The following ACADVL variants were observed in gnomAD, a reference collection of about 807,000 sequenced individuals.
ACADVL encodes the protein acyl-CoA dehydrogenase very long chain, also known as very long-chain acyl-CoA dehydrogenase, mitochondrial.
A neutral mutation model predicts 80.4 loss-of-function variants in ACADVL; 73 were observed. The ratio of observed to expected loss-of-function variants is 0.91; its 90% confidence interval spans 0.75 to 1.10. ACADVL has a LOEUF of 1.10. ACADVL is among the 50% of genes least tolerant of loss of function. The pLI is 0.00. For synonymous variants in ACADVL, 392 were observed against 326.5 expected, an observed-to-expected ratio of 1.20 and a Z score of -2.16; for missense variants, 878 against 858.9, an observed-to-expected ratio of 1.02 and a Z score of -0.28.
chr17:7,219,163 A>C, upstream of ACADVL: 2 of 418,256 alleles, frequency 4.8e-6, no homozygotes, highest in Non-Finnish European at 8.5e-6. Context: ...TCTCACCCCA[A>C]TGAGAATTGC....
chr17:7,217,925 G>C (rs2071010441), upstream of ACADVL: 4 of 1,091,044 alleles, frequency 3.7e-6, no homozygotes. Flanking sequence ...AGGGGGTCGG[G>C]TGTGAGGGAG....
rs375730795 is a variant in ACADVL at position 7,224,986 on chromosome 17, C to T, written c.1857C>T (p.Ala619=). The part of the protein sequence containing the change: ...EAAARIREGM[A]ALQSDPWQQE... ...CAGCTCGGATCCGAGAGGGCATGGCCGCCCTGCAGTCTGACCCCTGGCAGC... is the reference window on the plus strand; with the variant it reads ...CAGCTCGGATCCGAGAGGGCATGGCTGCCCTGCAGTCTGACCCCTGGCAGC... The change falls in exon 20 of 20, where the codon GCC becomes GCT. Residue 619 remains alanine, a synonymous_variant. Transcript: ENST00000356839. 1.5e-5 allele frequency: 24 copies of T among 1,613,972 alleles called. No homozygotes were observed. The highest frequency in any genetic ancestry group is 1.3e-4 in the South Asian group (12 of 91,090).
At chr17:7,222,584 T>G in intron 9 of ACADVL, 83 bp from the exon 10 acceptor site, 3 of 1,392,806 alleles carry the variant, frequency 2.2e-6, no homozygotes, top group Non-Finnish European at 2.0e-6. Flanking sequence ...TCCTCCCTGG[T>G]GCATAAGGAG....
At chr17:7,222,112 T>C (rs2142977349) in intron 8 of ACADVL, 31 bp downstream of exon 8, 1 of 1,614,120 alleles carries the variant, frequency 6.2e-7, no homozygotes, top group Non-Finnish European at 8.5e-7. Flanking sequence ...CCCCTTCTCC[T>C]CCGCCCAATT....
Position 7,222,674 on chromosome 17 carries a change from CCT to C in ACADVL, c.887_888del (p.Pro296ArgfsTer17), listed in dbSNP as rs753108198. ...RGFGGITHGP[P>X]EKKMGIKASN... ...CACACTGCCCTGACACAGTGGGCCC[CCT>C]GAGAAGAAGATGGGCATCAAGGCTT... is the stretch of plus-strand genomic sequence containing the variant. On this transcript the variant is annotated frameshift_variant, in exon 10 of 20. Transcript: ENST00000356839. LOFTEE classifies it high-confidence loss of function. The C allele has an allele frequency of 2.3e-5, 37 of 1,613,656 alleles. No individual in the cohort carries two copies. The highest frequency in any genetic ancestry group is 3.3e-5 in the Admixed American group (2 of 59,974).
intron 10 of ACADVL, 103 bp from the exon 11 acceptor site, chr17:7,223,030 G>A: frequency 6.9e-7 from 1 of 1,457,400 alleles, no homozygotes; most frequent in South Asian, 1.1e-5. Flanking sequence ...ACTGAACTCT[G>A]GTTGTATGCA....
chr17:7,223,005 C>T (rs1273874287), intron 10 of ACADVL, 128 bp from the exon 11 acceptor site: 6 of 1,436,088 alleles, frequency 4.2e-6, no homozygotes, highest in Non-Finnish European at 5.8e-6. Context: ...TAGCTTAGGT[C>T]TCCATCCAGC....
chr17:7,224,760 C>G lies in ACADVL; in HGVS notation c.1751+46C>G, dbSNP rs375203448. 6.3e-5 allele frequency: 101 copies of G among 1,613,232 alleles called. No individual in the cohort carries two copies. Among genetic ancestry groups the G allele is most frequent in the Admixed American group, 1.0e-4 (6 of 59,976 alleles). ...TGCCTGAGCCGCAGGGGGCCTGGGC[C>G]TGGATCCCAGCCGGCCCAGATTTAT... On this transcript the variant is annotated intron_variant, in intron 18 of 19. Transcript: ENST00000356839.
rs749598830 is a variant in ACADVL, at chr17:7,222,682, G to C, written c.894G>C (p.Lys298Asn). ...FGGITHGPPE[K>N]KMGIKASNTA... ...CCTGACACAGTGGGCCCCCTGAGAA[G>C]AAGATGGGCATCAAGGCTTCAAACA... The change falls in exon 10 of 20, where the codon AAG becomes AAC. Residue 298 changes from lysine (K) to asparagine (N), a missense_variant. Coordinates refer to ENST00000356839, the MANE Select transcript of ACADVL (RefSeq NM_000018.4). 1.2e-6 allele frequency: 2 copies of C among 1,613,932 alleles called. No individual in the cohort carries two copies. The highest frequency in any genetic ancestry group is 1.7e-6 in the Non-Finnish European group (2 of 1,179,940).
rs1286218424 is a variant in ACADVL at position 7,224,891 on chromosome 17, C to T, written c.1827+7C>T. 1.2e-6 allele frequency: 2 copies of T among 1,614,046 alleles called. No individual in the cohort carries two copies. Among genetic ancestry groups the T allele is most frequent in the East Asian group, 2.2e-5 (1 of 44,876 alleles). On this transcript the variant is annotated splice_region_variant and intron_variant, in intron 19 of 19. Transcript: ENST00000356839. ...TGACACCTGGTGTATCGAGGTGAGA[C>T]TCGGGGCTGCCAAGCTCAGGTGAGG...
upstream of ACADVL, chr17:7,217,188 C>G: frequency 7.9e-7 from 1 of 1,271,668 alleles, no homozygotes; most frequent in Non-Finnish European, 1.0e-6. Flanking sequence ...GGGGCTCTGA[C>G]TTCATCGGAG....
In ACADVL at chr17:7,223,214, G is replaced by C. The variant is rs1422904205; in HGVS notation, c.1159G>C (p.Val387Leu). 48 of 1,613,950 alleles carry C rather than the reference G, an allele frequency of 3.0e-5. No homozygotes were observed. Among genetic ancestry groups the C allele is most frequent in the Non-Finnish European group, 4.0e-5 (47 of 1,179,868 alleles). Residue 387 changes from valine (V) to leucine (L), a missense_variant, in exon 11 of 20, where the codon GTT becomes CTT. Physicochemically the swap from Val to Leu is conservative, Grantham distance 32 (BLOSUM62 1). Coordinates refer to ENST00000356839, the MANE Select transcript of ACADVL (RefSeq NM_000018.4). ...GATCCAGGAGAAGCTGGCACGGATG[G>C]TTATGCTGCAGTATGTAACTGAGGT... ...GLIQEKLARMVMLQYVTESMA... is the reference protein window; with the variant it reads ...GLIQEKLARMLMLQYVTESMA...
At chr17:7,218,453 A>T (rs2071035925), upstream of ACADVL, 5 of 1,440,346 alleles carry the variant, frequency 3.5e-6, no homozygotes, top group Non-Finnish European at 4.8e-6. Flanking sequence ...TCCAGCTTGG[A>T]CCAAATGATC....
At chr17:7,223,262 C>T (rs1341521139) in intron 11 of ACADVL, 25 bp downstream of exon 11, 3 of 1,587,570 alleles carry the variant, frequency 1.9e-6, no homozygotes, top group East Asian at 2.2e-5. Flanking sequence ...AGCCCCTCTC[C>T]CTGGAGCCCT....
Position 7,221,556 on chromosome 17 carries a change from ATC to A in ACADVL, c.497_498del (p.Ile166SerfsTer5), listed in dbSNP as rs1057516369. The A allele has an allele frequency of 1.9e-6, 3 of 1,613,904 alleles. No individual in the cohort carries two copies. Among genetic ancestry groups the A allele is most frequent in the Non-Finnish European group, 2.5e-6 (3 of 1,180,010 alleles). On this transcript the variant is annotated frameshift_variant, in exon 7 of 20. Coordinates refer to ENST00000356839, the MANE Select transcript of ACADVL (RefSeq NM_000018.4). LOFTEE classifies it high-confidence loss of function. ...CNTQYARLVEIVGMHDLGVGI... is the reference protein window; with the variant it reads ...CNTQYARLVEXVGMHDLGVGI... ...CCTCCAGTACGCCCGTTTGGTGGAG[ATC>A]GTGGGCATGCATGACCTTGGCGTGG...
rs528002997 is a variant in ACADVL, at chr17:7,224,732, G to A, written c.1751+18G>A. ...CTCTCGAGGTGAGGAGGCAGGCAGG[G>A]AATGCCTGAGCCGCAGGGGGCCTGG... is the stretch of plus-strand genomic sequence containing the variant. On this transcript the variant is annotated intron_variant, in intron 18 of 19. Coordinates refer to ENST00000356839, the MANE Select transcript of ACADVL (RefSeq NM_000018.4). 3.0e-4 allele frequency: 486 copies of A among 1,609,498 alleles called. No individual in the cohort carries two copies. Among genetic ancestry groups the A allele is most frequent in the Middle Eastern group, 2.3e-3 (14 of 5,988 alleles).
At chr17:7,221,810 C>T (rs2142975677) in intron 7 of ACADVL, 128 bp downstream of exon 7, 1 of 1,586,140 alleles carries the variant, frequency 6.3e-7, no homozygotes, top group South Asian at 1.1e-5. Context: ...GGAGGCATCA[C>T]AGTGTGCTGG....
In ACADVL at chr17:7,221,607, A is replaced by C; in HGVS notation, c.547A>C (p.Ser183Arg). ...GGGCATTACCCTGGGGGCCCATCAG[A>C]GCATCGGTTTCAAAGGCATCCTGCT... ...GVGITLGAHQ[S>R]IGFKGILLFG... is the part of the protein sequence containing the mutation. Residue 183 changes from serine (S) to arginine (R), a missense_variant, in exon 7 of 20, where the codon AGC becomes CGC. Coordinates refer to ENST00000356839, the MANE Select transcript of ACADVL (RefSeq NM_000018.4). 1 of 1,614,052 alleles carries C rather than the reference A, an allele frequency of 6.2e-7. No individual in the cohort carries two copies. Among genetic ancestry groups the C allele is most frequent in the Non-Finnish European group, 8.5e-7 (1 of 1,180,018 alleles).
rs748964823 is a variant in ACADVL at position 7,224,046 on chromosome 17, T to C, written c.1411T>C (p.Phe471Leu). The change falls in exon 14 of 20, where the codon TTT (phenylalanine) becomes CTT (leucine). Residue 471 changes from phenylalanine (F) to leucine (L), a missense_variant. Transcript: ENST00000356839. ...FEGTNDILRL[F>L]VALQGCMDKG... ...GGGGACAAATGACATTCTTCGGCTG[T>C]TTGTGGCTCTGCAGGGCTGTATGGT... 1.9e-6 allele frequency: 3 copies of C among 1,614,070 alleles called. No homozygotes were observed. The highest frequency in any genetic ancestry group is 2.2e-5 in the South Asian group (2 of 91,074).
Sources: gnomAD v4.1 joint callset for allele counts on GRCh38, gnomAD v4.1.1 for gene constraint, MANE v1.5 for transcripts, NCBI Gene and HGNC (gene_info 2026-07-23, HGNC 2026-07-21) for gene names.